SEMA3D: variants seen among roughly 807,000 people sequenced by gnomAD.
SEMA3D encodes semaphorin-3D.
A neutral mutation model predicts 100.1 loss-of-function variants in SEMA3D; 84 were observed. The observed-to-expected ratio is 0.84, with a 90% CI of 0.70 to 1.01. The LOEUF (loss-of-function observed/expected upper bound fraction) is 1.01. Ranked by LOEUF, SEMA3D falls within the 50% of genes least tolerant of loss-of-function variation. SEMA3D has a pLI of 0.00. For missense variants in SEMA3D, 875 were observed against 934.1 expected, an observed-to-expected ratio of 0.94 and a Z score of 0.82; for synonymous variants, 312 against 320.7, an observed-to-expected ratio of 0.97 and a Z score of 0.29.
At chr7:85,150,720 G>T (rs552727103) in intron 2 of SEMA3D, among the ~76,000 whole-genome samples, 1 of 151,416 alleles carries the variant, frequency 6.6e-6, no homozygotes, top group African/African-American at 2.4e-5. Flanking sequence ...TATAGTCATC[G>T]CAGCTTTTCT....
intron 2 of SEMA3D, among the ~76,000 whole-genome samples, chr7:85,146,134 T>A (rs1407132566): frequency 6.6e-6 from 1 of 152,186 alleles, no homozygotes; most frequent in African/African-American, 2.4e-5. Flanking sequence ...AATAGATAAT[T>A]CAATCTTTCT....
At chr7:85,028,676 G>T in intron 12 of SEMA3D, 1 of 197,096 alleles carries the variant, frequency 5.1e-6, no homozygotes, top group Non-Finnish European at 1.0e-5. Context: ...CAGTACTGAG[G>T]TCAATTCTCT....
the SEMA3D span, among the ~76,000 whole-genome samples, chr7:85,192,183 A>G: frequency 2.0e-5 from 3 of 152,096 alleles, no homozygotes; most frequent in African/African-American, 7.2e-5. Flanking sequence ...AAAAATGCCC[A>G]ACATGTTTTT....
intron 14 of SEMA3D, among the ~76,000 whole-genome samples, chr7:85,018,998 A>G (rs1790181085): frequency 6.6e-6 from 1 of 150,868 alleles, no homozygotes; most frequent in Non-Finnish European, 1.5e-5. Flanking sequence ...TTAGATGTTA[A>G]AGATTTAAAG....
At chr7:85,150,368 T>TATATAA (rs1554348719) in intron 2 of SEMA3D, among the ~76,000 whole-genome samples, 8 of 129,998 alleles carry the variant, frequency 6.2e-5, no homozygotes, top group African/African-American at 2.0e-4. Context: ...TATATATATA[T>TATATAA]TATATATATA....
chr7:85,138,895 T>G (rs1244166219), intron 2 of SEMA3D, among the ~76,000 whole-genome samples: 1 of 151,748 alleles, frequency 6.6e-6, no homozygotes, highest in African/African-American at 2.4e-5. Flanking sequence ...TTTTGGAGGT[T>G]GCTGGAAGAT....
chr7:85,039,086 A>G (rs559716906), intron 11 of SEMA3D, among the ~76,000 whole-genome samples: 7 of 152,184 alleles, frequency 4.6e-5, no homozygotes, highest in Non-Finnish European at 1.0e-4. Flanking sequence ...ATACATTGAT[A>G]AAGTTTGAGA....
intron 9 of SEMA3D, among the ~76,000 whole-genome samples, chr7:85,050,072 A>AACACACACAC (rs55849524): frequency 2.0e-4 from 28 of 137,018 alleles, no homozygotes; most frequent in African/African-American, 6.8e-4. Context: ...CTTGAAGGGA[A>AACACACACAC]ACACACACAC....
chr7:85,045,064 C>G (rs1790970515), intron 9 of SEMA3D, among the ~76,000 whole-genome samples: 1 of 151,926 alleles, frequency 6.6e-6, no homozygotes, highest in African/African-American at 2.4e-5. Context: ...GGGAAAAAGG[C>G]AAAAACTTCA....
chr7:85,138,016 C>T (rs1296076474), intron 2 of SEMA3D, among the ~76,000 whole-genome samples: 1 of 152,112 alleles, frequency 6.6e-6, no homozygotes, highest in Non-Finnish European at 1.5e-5. Context: ...CTGAATTTTA[C>T]ATGCCTCTTA....
At chr7:85,215,479 G>A in the SEMA3D span, among the ~76,000 whole-genome samples, 1 of 151,966 alleles carries the variant, frequency 6.6e-6, no homozygotes. Flanking sequence ...TTTGTTCTAT[G>A]CCCTCCCCAA....
chr7:85,055,623 C>G (rs1791284842), intron 9 of SEMA3D, 94 bp downstream of exon 9: 1 of 219,890 alleles, frequency 4.5e-6, no homozygotes, highest in Admixed American at 6.9e-5. Context: ...TGGCTTAAAC[C>G]TTGCCAAAGT....
chr7:85,021,434 G>C (rs1584529431), intron 13 of SEMA3D, among the ~76,000 whole-genome samples: 2 of 151,716 alleles, frequency 1.3e-5, no homozygotes, highest in Admixed American at 1.3e-4. Flanking sequence ...TTTGTCTTGG[G>C]AATATCCCTT....
At chr7:85,028,014 C>G (rs570051322) in intron 12 of SEMA3D, 1 of 573,964 alleles carries the variant, frequency 1.7e-6, no homozygotes, top group African/African-American at 1.9e-5. Flanking sequence ...TCCAATGAAC[C>G]GTGCCAGCAT....
At chr7:85,177,920 T>G (rs895742279) in intron 1 of SEMA3D, among the ~76,000 whole-genome samples, 1 of 152,156 alleles carries the variant, frequency 6.6e-6, no homozygotes, top group African/African-American at 2.4e-5. Flanking sequence ...ACCCATGCAT[T>G]GTGCAAGGGA....
intron 3 of SEMA3D, among the ~76,000 whole-genome samples, chr7:85,118,327 C>G (rs1250341346): frequency 6.6e-6 from 1 of 151,990 alleles, no homozygotes; most frequent in Non-Finnish European, 1.5e-5. Flanking sequence ...ATGTGAACAT[C>G]TGCATCACTT....
intron 2 of SEMA3D, among the ~76,000 whole-genome samples, chr7:85,147,081 C>CTTTTT (rs1357778775): frequency 5.9e-5 from 4 of 67,540 alleles, no homozygotes; most frequent in Admixed American, 1.3e-4. Flanking sequence ...TCTTTCTTTT[C>CTTTTT]TTTTTCTTTT....
intron 10 of SEMA3D, chr7:85,041,062 C>CT (rs72214529): frequency 0.042 from 6,322 of 152,046 alleles, 286 homozygotes; most frequent in African/African-American, 0.12. Context: ...ATTAATTTGC[C>CT]TTTTTTTTTT....
At chr7:85,175,046 A>G (rs182700481) in intron 1 of SEMA3D, among the ~76,000 whole-genome samples, 1 of 152,308 alleles carries the variant, frequency 6.6e-6, no homozygotes, top group East Asian at 1.9e-4. Context: ...TATTGAATGT[A>G]ATAAAGGGTT....
Sources: gnomAD v4.1 joint callset for allele counts (sites outside exome capture counted in the v4.1 genomes callset) on GRCh38, gnomAD v4.1.1 for gene constraint, MANE v1.5 for transcripts, NCBI Gene and HGNC (gene_info 2026-07-23, HGNC 2026-07-21) for gene names.